GSE1: variants seen among roughly 807,000 people sequenced by gnomAD.
The protein encoded by GSE1 is genetic suppressor element 1.
In GSE1, 32 loss-of-function variants were observed where a neutral mutation model predicts 112.6. That is an observed-to-expected ratio of 0.28 (90% CI 0.21 to 0.38). GSE1 has a LOEUF of 0.38. Among genes scored for constraint, GSE1 ranks in the 10% least tolerant of loss-of-function variants. The probability of loss-of-function intolerance (pLI) is 1.00; values close to 1 mark genes in which losing one functional copy is unlikely to be tolerated. For synonymous variants in GSE1, 1,115 were observed against 735.6 expected (o/e 1.52, Z -8.35); for missense variants, 2,348 against 1,699.2 (o/e 1.38, Z -6.71).
At chr16:85,525,594 G>A (rs1358420467) in intron 2 of GSE1, among the ~76,000 whole-genome samples, 1 of 152,212 alleles carries the variant, frequency 6.6e-6, no homozygotes, top group Admixed American at 6.5e-5. Flanking sequence ...CTGCCCACAT[G>A]CCTGAGGACC....
At chr16:85,296,935 T>C (rs1258944437) in intron 1 of GSE1, among the ~76,000 whole-genome samples, 1 of 152,168 alleles carries the variant, frequency 6.6e-6, no homozygotes, top group Non-Finnish European at 1.5e-5. Flanking sequence ...CCCAGGCTGC[T>C]CCCCCGGCGC....
In GSE1 at chr16:85,672,394, C is replaced by CCTCT. The variant is rs746128634; in HGVS notation, c.3520-7_3520-4dup. 6.2e-7 allele frequency: 1 copy of CCTCT among 1,606,002 alleles called. No homozygotes were observed. The highest frequency in any genetic ancestry group is 1.7e-5 in the Admixed American group (1 of 59,730). On this transcript the variant is annotated splice_polypyrimidine_tract_variant and intron_variant, in intron 15 of 15. Coordinates refer to ENST00000253458, the MANE Select transcript of GSE1 (RefSeq NM_014615.5). ...ACGGGTTGGTTTTGACACAAATTTCCCTCTCTCCAGGAGTTGAGGAGCCAG... is the reference window on the plus strand; with the variant it reads ...ACGGGTTGGTTTTGACACAAATTTCCCTCTCTCTCTCCAGGAGTTGAGGAGCCAG...
chr16:85,569,938 G>C (rs994064950), intron 1 of GSE1, among the ~76,000 whole-genome samples: 1 of 152,202 alleles, frequency 6.6e-6, no homozygotes. Context: ...TGAGCCCTAG[G>C]GGGTGGAGGT....
intron 1 of GSE1, among the ~76,000 whole-genome samples, chr16:85,274,790 A>G (rs191487867): frequency 4.8e-4 from 73 of 152,338 alleles, no homozygotes; most frequent in South Asian, 1.7e-3. Flanking sequence ...ACCTGCCCCC[A>G]GCAGCAGGTC....
At chr16:85,657,847 G>C (rs1367722754) in intron 8 of GSE1, among the ~76,000 whole-genome samples, 1 of 152,184 alleles carries the variant, frequency 6.6e-6, no homozygotes, top group Non-Finnish European at 1.5e-5. Flanking sequence ...TCAAGTCCAT[G>C]TTGAGAGCCA....
At chr16:85,442,313 G>GTTTACT (rs1292817369) in intron 2 of GSE1, among the ~76,000 whole-genome samples, 10 of 152,186 alleles carry the variant, frequency 6.6e-5, no homozygotes, top group Non-Finnish European at 1.5e-4. Flanking sequence ...TTGCGTGCTT[G>GTTTACT]TTTACCGTCC....
At chr16:85,499,738 TA>T (rs2051301195) in intron 2 of GSE1, among the ~76,000 whole-genome samples, 1 of 152,172 alleles carries the variant, frequency 6.6e-6, no homozygotes, top group Admixed American at 6.5e-5. Context: ...AAAATTTACA[TA>T]AAAGGTAAAA....
chr16:85,647,771 G>C (rs1160182091), intron 2 of GSE1, among the ~76,000 whole-genome samples: 1 of 152,192 alleles, frequency 6.6e-6, no homozygotes, highest in Non-Finnish European at 1.5e-5. Context: ...ATTTTTAGTA[G>C]AGACAGGGTT....
intron 1 of GSE1, among the ~76,000 whole-genome samples, chr16:85,341,217 C>G (rs1567699695): frequency 6.6e-6 from 1 of 150,838 alleles, no homozygotes; most frequent in African/African-American, 2.4e-5. Flanking sequence ...TTTAAATAAA[C>G]AGGGTGTTGT....
At chr16:85,190,014 A>G (rs942537610) in intron 1 of GSE1, among the ~76,000 whole-genome samples, 5 of 152,226 alleles carry the variant, frequency 3.3e-5, no homozygotes, top group African/African-American at 1.2e-4. Context: ...CATCTTTTGC[A>G]CTTGTCACCT....
intron 1 of GSE1, among the ~76,000 whole-genome samples, chr16:85,314,036 TTGTG>T (rs1299938569): frequency 6.6e-6 from 1 of 150,600 alleles, no homozygotes; most frequent in Non-Finnish European, 1.5e-5. Context: ...ACATAGCCAT[TTGTG>T]TGTGTGTCAC....
Position 85,304,752 on chromosome 16 carries a change from C to T in GSE1, c.2284-52711C>T, listed in dbSNP as rs548213987. On this transcript the variant is annotated intron_variant, in intron 1 of 2. Coordinates refer to the GSE1 transcript ENST00000637419. ...GAAGATGGCAGAGACAGGCCAGGGC[C>T]CTCTCGACTTCACTGGGGATAAGAC... Among the ~76,000 whole-genome samples, 18 of 152,260 alleles carry T rather than the reference C, an allele frequency of 1.2e-4. 1 individual carries two copies. Among genetic ancestry groups the T allele is most frequent in the Admixed American group, 1.1e-3 (17 of 15,288 alleles).
chr16:85,428,923 C>T (rs1447995340), intron 2 of GSE1, among the ~76,000 whole-genome samples: 1 of 152,192 alleles, frequency 6.6e-6, no homozygotes, highest in Non-Finnish European at 1.5e-5. Context: ...TGGCCACCGT[C>T]CTGGGCAGCT....
chr16:85,519,598 TCACCACCA>T (rs2052097377), intron 2 of GSE1, among the ~76,000 whole-genome samples: 1 of 148,818 alleles, frequency 6.7e-6, no homozygotes, highest in Non-Finnish European at 1.5e-5. Context: ...ATCATCACCT[TCACCACCA>T]TCATCACCAT....
At chr16:85,497,186 A>C (rs1218163038) in intron 2 of GSE1, among the ~76,000 whole-genome samples, 1 of 152,212 alleles carries the variant, frequency 6.6e-6, no homozygotes, top group Non-Finnish European at 1.5e-5. Context: ...GGCGTGAGCC[A>C]CCATGCCTGG....
At chr16:85,658,172 GC>G (rs1353215138) in intron 8 of GSE1, among the ~76,000 whole-genome samples, 3 of 152,168 alleles carry the variant, frequency 2.0e-5, no homozygotes, top group African/African-American at 7.2e-5. Context: ...GGGCCCCAGT[GC>G]CCCCAGTCCT....
At chr16:85,650,166 C>T (rs2051214441) in intron 3 of GSE1, among the ~76,000 whole-genome samples, 1 of 152,190 alleles carries the variant, frequency 6.6e-6, no homozygotes, top group East Asian at 1.9e-4. Flanking sequence ...AGGGTGGACC[C>T]TGGCCACAGG....
At chr16:85,340,326 G>A (rs1480144890) in intron 1 of GSE1, among the ~76,000 whole-genome samples, 1 of 152,144 alleles carries the variant, frequency 6.6e-6, no homozygotes, top group South Asian at 2.1e-4. Context: ...CTCCAGCCTA[G>A]GTGACAGAAT....
chr16:85,218,756 A>G (rs370836917), intron 1 of GSE1, among the ~76,000 whole-genome samples: 5 of 152,302 alleles, frequency 3.3e-5, no homozygotes. Context: ...TCTTGCGTCT[A>G]CTTCATCTTT....
Sources: allele counts gnomAD v4.1 joint callset (sites outside exome capture counted in the v4.1 genomes callset), GRCh38; gene constraint gnomAD v4.1.1; transcripts MANE v1.5; gene names NCBI Gene and HGNC (gene_info 2026-07-23, HGNC 2026-07-21).